The following SHISA9 variants were observed in gnomAD, a reference collection of about 807,000 sequenced individuals.
SHISA9 encodes shisa family member 9, also known as protein shisa-9.
In SHISA9, 13 loss-of-function variants were observed where a neutral mutation model predicts 38.0. The observed-to-expected ratio is 0.34, with a 90% CI of 0.22 to 0.54. The LOEUF is 0.54. Ranked by LOEUF, SHISA9 falls within the 20% of genes least tolerant of loss-of-function variation. SHISA9 has a pLI of 0.91. For synonymous variants in SHISA9, 275 were observed against 242.0 expected (o/e 1.14, Z -1.27); for missense variants, 538 against 575.8 (o/e 0.93, Z 0.67).
At chr16:13,265,582 C>G in the SHISA9 span, among the ~76,000 whole-genome samples, 3 of 133,214 alleles carry the variant, frequency 2.3e-5, no homozygotes, top group South Asian at 8.1e-4. Flanking sequence ...ACCCCCTCCT[C>G]TTCCCTCCCC....
At chr16:13,491,817 CCTTTTTTTTTTTTTTTTTTTTT>C in the SHISA9 span, among the ~76,000 whole-genome samples, 3 of 46,892 alleles carry the variant, frequency 6.4e-5, no homozygotes, top group East Asian at 1.1e-3. Context: ...TATTTATTGA[CCTTTTTTTTTTTTTTTTTTTTT>C]TTTTTTTTTT....
chr16:13,429,149 T>C, the SHISA9 span, among the ~76,000 whole-genome samples: 1 of 152,146 alleles, frequency 6.6e-6, no homozygotes, highest in Non-Finnish European at 1.5e-5. Context: ...TGAAGGTTGA[T>C]AGCAATAGAC....
chr16:13,247,777 TG>T, the SHISA9 span, among the ~76,000 whole-genome samples: 1 of 152,228 alleles, frequency 6.6e-6, no homozygotes, highest in Non-Finnish European at 1.5e-5. Context: ...TTTTCCTTTT[TG>T]CAAGTTCAGA....
chr16:13,345,958 T>C, the SHISA9 span, among the ~76,000 whole-genome samples: 1 of 58,486 alleles, frequency 1.7e-5, no homozygotes, highest in Non-Finnish European at 4.1e-5. Context: ...GTTTTACTCT[T>C]GTAAAAAAAT....
At chr16:13,216,298 C>T (rs902764982) in intron 4 of SHISA9, among the ~76,000 whole-genome samples, 4 of 151,948 alleles carry the variant, frequency 2.6e-5, no homozygotes, top group African/African-American at 7.3e-5. Context: ...TTGTCTTCAA[C>T]CTCTCTGATC....
chr16:13,333,624 A>G, the SHISA9 span, among the ~76,000 whole-genome samples: 1 of 152,220 alleles, frequency 6.6e-6, no homozygotes, highest in Admixed American at 6.5e-5. Context: ...CTTTGCAGAG[A>G]TAATGATCCA....
rs376551630 is a variant in SHISA9, at chr16:13,069,857, C to T, written c.692-133537C>T. Among the ~76,000 whole-genome samples the T allele has an allele frequency of 3.3e-5, 5 of 152,120 alleles. No individual in the cohort carries two copies. In the East Asian group the frequency reaches 5.8e-4, roughly 18 times the overall value. On this transcript the variant is annotated intron_variant, in intron 2 of 4. Coordinates refer to ENST00000558583, the MANE Select transcript of SHISA9 (RefSeq NM_001145204.3). ...AGAGAGATCCCTTGGCCCTTCTGCC[C>T]TGTGAGGACACAGTGAGAAGAGAGG...
rs116414195 is a variant in SHISA9, at chr16:12,908,010, C to T, written c.563+5383C>T. Among the ~76,000 whole-genome samples, 1,329 of 152,296 alleles carry T rather than the reference C, an allele frequency of 8.7e-3. 24 individuals carry two copies. The highest frequency in any genetic ancestry group is 0.031 in the African/African-American group (1,270 of 41,550). On this transcript the variant is annotated intron_variant, in intron 1 of 4. Coordinates refer to ENST00000558583, the MANE Select transcript of SHISA9 (RefSeq NM_001145204.3). ...GCCTGAGATTCAATCTCAGCTCAGC[C>T]ACTTAATAGCTGTGTGACCTTGGGA... is the stretch of plus-strand genomic sequence containing the variant.
the SHISA9 span, among the ~76,000 whole-genome samples, chr16:13,454,503 C>G: frequency 3.9e-5 from 6 of 152,210 alleles, no homozygotes; most frequent in Non-Finnish European, 8.8e-5. Flanking sequence ...TCACCTATCT[C>G]TCACAATAAT....
At chr16:13,240,727 G>A (rs140744642), downstream of SHISA9, among the ~76,000 whole-genome samples, 1 of 152,106 alleles carries the variant, frequency 6.6e-6, no homozygotes, top group Non-Finnish European at 1.5e-5. Context: ...ATCTTGCTGC[G>A]ATTTGAACTT....
At chr16:13,438,193 C>G in the SHISA9 span, among the ~76,000 whole-genome samples, 17,713 of 152,194 alleles carry the variant, frequency 0.12, 1,368 homozygotes, top group Non-Finnish European at 0.18. Context: ...ATTTCAATAA[C>G]TGTGAGAATA....
In SHISA9 at chr16:13,203,406, T is replaced by A; in HGVS notation, c.704T>A (p.Met235Lys). ...TCTTCACTTCCAGATGCCACCCAGATGAACAACGCAGTGCCCACCTCTCCT... is the reference window on the plus strand; with the variant it reads ...TCTTCACTTCCAGATGCCACCCAGAAGAACAACGCAGTGCCCACCTCTCCT... ...TPINNLHATQ[M>K]NNAVPTSPLL... The change falls in exon 3 of 5, where the codon ATG becomes AAG. Residue 235 changes from methionine (M) to lysine (K), a missense_variant. Physicochemically the swap from Met to Lys is moderately conservative, Grantham distance 95. Transcript: ENST00000558583. The A allele has an allele frequency of 6.5e-7, 1 of 1,533,684 alleles. No homozygotes were observed. Among genetic ancestry groups the A allele is most frequent in the Non-Finnish European group, 8.8e-7 (1 of 1,140,338 alleles).
the SHISA9 span, among the ~76,000 whole-genome samples, chr16:13,420,977 G>A: frequency 6.6e-6 from 1 of 152,130 alleles, no homozygotes; most frequent in Non-Finnish European, 1.5e-5. Flanking sequence ...GATCCAACTT[G>A]GACTCTTCAC....
chr16:13,075,863 T>C (rs900922800), intron 2 of SHISA9, among the ~76,000 whole-genome samples: 1 of 152,026 alleles, frequency 6.6e-6, no homozygotes, highest in African/African-American at 2.4e-5. Context: ...CAGATGATTC[T>C]TTGTTGCGGA....
At chr16:12,913,508 T>C (rs1218815603) in intron 1 of SHISA9, among the ~76,000 whole-genome samples, 3 of 152,228 alleles carry the variant, frequency 2.0e-5, no homozygotes, top group African/African-American at 7.2e-5. Context: ...ATTTTTGTCA[T>C]TACTTCTAAT....
At chr16:13,100,602 T>C (rs1034664126) in intron 2 of SHISA9, among the ~76,000 whole-genome samples, 4 of 152,180 alleles carry the variant, frequency 2.6e-5, no homozygotes, top group African/African-American at 9.6e-5. Flanking sequence ...GATTGAGAAG[T>C]TGACTCCTTG....
the SHISA9 span, among the ~76,000 whole-genome samples, chr16:13,487,408 G>A: frequency 6.6e-6 from 1 of 152,210 alleles, no homozygotes; most frequent in African/African-American, 2.4e-5. Flanking sequence ...TTACAATCAT[G>A]GCAGAAAATG....
intron 2 of SHISA9, among the ~76,000 whole-genome samples, chr16:13,174,768 G>A (rs550879819): frequency 6.6e-6 from 1 of 152,286 alleles, no homozygotes. Context: ...GACCAGGGAG[G>A]CCTGTGGGAG....
At chr16:13,434,419 G>GGTTTTTTTTTTTTTTTT in the SHISA9 span, among the ~76,000 whole-genome samples, 11 of 64,554 alleles carry the variant, frequency 1.7e-4, no homozygotes, top group Non-Finnish European at 1.9e-4. Flanking sequence ...GACAAGCTAT[G>GGTTTTTTTTTTTTTTTT]TTTTTTTTTT....
Sources: allele counts gnomAD v4.1 joint callset (sites outside exome capture counted in the v4.1 genomes callset), GRCh38; gene constraint gnomAD v4.1.1; transcripts MANE v1.5; gene names NCBI Gene and HGNC (gene_info 2026-07-23, HGNC 2026-07-21).